Variants in MZT2A observed in about 807,000 individuals in gnomAD.
MZT2A encodes mitotic spindle organizing protein 2A.
MZT2A carries 8 observed loss-of-function variants against 12.4 expected under a neutral mutation model. The ratio of observed to expected loss-of-function variants is 0.64; its 90% CI spans 0.38 to 1.16. The LOEUF is 1.16. Ranked by LOEUF, MZT2A falls within the 50% of genes most tolerant of loss-of-function variation. The pLI is 0.01. For synonymous variants in MZT2A, 88 were observed against 107.5 expected (o/e 0.82, Z 1.12); for missense variants, 181 against 223.6 (o/e 0.81, Z 1.22).
Position 131,476,224 on chromosome 2 carries a change from C to T in MZT2A, c.279-4042G>A, listed in dbSNP as rs748419547. The T allele has an allele frequency of 1.6e-5, 26 of 1,613,780 alleles. No homozygotes were observed. In the Admixed American group the frequency reaches 3.5e-4, roughly 22 times the overall value. ...CATGGTAAGGCCCGGGTCACTCCCG[C>T]CCCGCAGATGCCCAGGCAGACGAAG... On this transcript the variant is annotated intron_variant and NMD_transcript_variant, in intron 2 of 4. Transcript: ENST00000427024.
At chr2:131,486,964 C>T (rs1158902296) in intron 2 of MZT2A, among the ~76,000 whole-genome samples, 1 of 151,988 alleles carries the variant, frequency 6.6e-6, no homozygotes, top group Non-Finnish European at 1.5e-5. Context: ...ATGAGAAGGC[C>T]CAGAATAGAA....
intron 2 of MZT2A, among the ~76,000 whole-genome samples, chr2:131,487,854 C>T (rs1476186074): frequency 2.0e-5 from 3 of 152,192 alleles, no homozygotes; most frequent in Admixed American, 6.5e-5. Context: ...GCAACCTCAA[C>T]CTCCCAGGCT....
At chr2:131,490,803 G>C in intron 2 of MZT2A, 6 of 1,550,008 alleles carry the variant, frequency 3.9e-6, no homozygotes, top group Non-Finnish European at 5.2e-6. Context: ...GGGCTGTGGA[G>C]CATAACCAGA....
chr2:131,479,209 G>C (rs1300266700), downstream of MZT2A: 1 of 1,515,228 alleles, frequency 6.6e-7, no homozygotes, highest in Admixed American at 2.1e-5. Context: ...CATGTACTTT[G>C]AACAGCATGT....
chr2:131,492,948 C>A, upstream of MZT2A: 4 of 1,525,574 alleles, frequency 2.6e-6, no homozygotes, highest in Non-Finnish European at 2.7e-6. Flanking sequence ...CGCCATTTCC[C>A]CTCCCTGGCC....
upstream of MZT2A, chr2:131,492,571 G>A (rs1679386485): frequency 3.4e-6 from 4 of 1,182,142 alleles, no homozygotes; most frequent in South Asian, 7.1e-5. Context: ...GTGCTGAGCG[G>A]CGCGCTAGGC....
At chr2:131,478,224 G>T in intron 2 of MZT2A, 1 of 1,614,136 alleles carries the variant, frequency 6.2e-7, no homozygotes, top group South Asian at 1.1e-5. Flanking sequence ...TGCCTGCTGG[G>T]AACTGTACTG....
rs549689573 is a variant in MZT2A at position 131,492,096 on chromosome 2, G to A, written c.171-72C>T. On this transcript the variant is annotated intron_variant, in intron 1 of 2. Transcript: ENST00000309451. ...GGCCACCTCCCTGAAGACCGGACAA[G>A]GACGGGGGCGGGGGCAGCGGGGGCT... 1.7e-5 allele frequency: 26 copies of A among 1,565,592 alleles called. No individual in the cohort carries two copies. In the East Asian group the frequency reaches 5.5e-4, roughly 33 times the overall value.
chr2:131,474,123 AG>A (rs1678561658), intron 2 of MZT2A, among the ~76,000 whole-genome samples: 1 of 149,334 alleles, frequency 6.7e-6, no homozygotes, highest in Non-Finnish European at 1.5e-5. Context: ...TTTGAGACAG[AG>A]TCTCGCTGTG....
At chr2:131,474,405 C>CTTTT (rs70994777) in intron 2 of MZT2A, among the ~76,000 whole-genome samples, 136 of 94,810 alleles carry the variant, frequency 1.4e-3, no homozygotes, top group East Asian at 6.2e-3. Context: ...TCTTCTTCTT[C>CTTTT]TTTTTTTTTT....
rs1194247552 is a variant in MZT2A at position 131,492,381 on chromosome 2, G to C, written c.-5C>G. 7.7e-7 allele frequency: 1 copy of C among 1,307,044 alleles called. No individual in the cohort carries two copies. Among genetic ancestry groups the C allele is most frequent in the Non-Finnish European group, 9.6e-7 (1 of 1,037,528 alleles). The allele number at this position is 1,307,044 out of a possible 1,614,324, so 81.0% of individuals were successfully genotyped here. The stretch of plus-strand genomic sequence containing the variant: ...CCCTACGCCCTGCGCCGCCATCCGC[G>C]AGGCCCGCCGAAAGGTGCGCCCCGC... On this transcript the variant is annotated 5_prime_UTR_variant, in exon 1 of 3. Coordinates refer to ENST00000309451, the MANE Select transcript of MZT2A (RefSeq NM_001085365.2).
chr2:131,472,006 A>T (rs115112762), intron 3 of MZT2A: 70,815 of 1,229,088 alleles, frequency 0.058, 5,621 homozygotes, highest in African/African-American at 0.39. Context: ...CTGTATGAAC[A>T]GAATCTTACA....
At chr2:131,472,694 A>G (rs1272383442) in intron 2 of MZT2A, among the ~76,000 whole-genome samples, 1 of 152,222 alleles carries the variant, frequency 6.6e-6, no homozygotes, top group Non-Finnish European at 1.5e-5. Context: ...CATGTGGTCT[A>G]GGTGTGCAGT....
downstream of MZT2A, among the ~76,000 whole-genome samples, chr2:131,481,209 A>T (rs561161621): frequency 1.1e-4 from 16 of 151,618 alleles, no homozygotes; most frequent in African/African-American, 3.1e-4. Context: ...TAGCTCAGTG[A>T]TGTCTTTTGA....
chr2:131,484,041 T>G lies in MZT2A; in HGVS notation c.*20A>C. On this transcript the variant is annotated 3_prime_UTR_variant, in exon 3 of 3. Coordinates refer to ENST00000309451, the MANE Select transcript of MZT2A (RefSeq NM_001085365.2). Reference sequence around the variant, plus strand: ...GTAGCCTTTGCTGGGGACAAAGATGTGACAAGTCTCTGCCCCATCCTAGGT... The same window carrying G: ...GTAGCCTTTGCTGGGGACAAAGATGGGACAAGTCTCTGCCCCATCCTAGGT... 1 of 1,587,254 alleles carries G rather than the reference T, an allele frequency of 6.3e-7. No individual in the cohort carries two copies. Among genetic ancestry groups the G allele is most frequent in the Non-Finnish European group, 8.6e-7 (1 of 1,161,844 alleles).
At chr2:131,480,881 AC>A, downstream of MZT2A, 1 of 1,294,672 alleles carries the variant, frequency 7.7e-7, no homozygotes, top group Non-Finnish European at 1.1e-6. Context: ...AAATTAGTGA[AC>A]CAGAGTTGAT....
chr2:131,471,321 C>T (rs1423975696), intron 3 of MZT2A, among the ~76,000 whole-genome samples: 1 of 139,840 alleles, frequency 7.2e-6, no homozygotes, highest in African/African-American at 3.3e-5. Flanking sequence ...TTTTAGAGGA[C>T]AGATCACAAA....
At chr2:131,482,663 C>G (rs569698228), downstream of MZT2A, 46 of 1,614,038 alleles carry the variant, frequency 2.8e-5, no homozygotes, top group Non-Finnish European at 3.8e-5. Flanking sequence ...GGCCTGGGCC[C>G]GCCTGGACCA....
At position 131,490,378 on chromosome 2, in the gene MZT2A, C is replaced by T. The variant is rs13390541; in HGVS notation, c.319+1498G>A. The T allele has an allele frequency of 7.8e-4, 882 of 1,126,034 alleles. 10 individuals are homozygous for T. In the African/African-American group the frequency reaches 0.013, roughly 16 times the overall value. 69.8% of individuals were successfully genotyped at this position (1,126,034 alleles called of 1,614,324 possible). A position where few individuals can be genotyped will look rare whatever the true frequency, so the allele number is the denominator to read the frequency against. On this transcript the variant is annotated intron_variant, in intron 2 of 2. Coordinates refer to ENST00000309451, the MANE Select transcript of MZT2A (RefSeq NM_001085365.2). ...CTAAGAGGCCGAGGCGTTTGTCACG[C>T]CTGGGGCTGTGCTCTCCAGCAGAGC...
Sources: allele counts gnomAD v4.1 joint callset (sites outside exome capture counted in the v4.1 genomes callset), GRCh38; gene constraint gnomAD v4.1.1; transcripts MANE v1.5; gene names NCBI Gene and HGNC (gene_info 2026-07-23, HGNC 2026-07-21).